The following CNTN5 variants were observed in gnomAD, a reference collection of about 807,000 sequenced individuals.
CNTN5 encodes the protein contactin-5.
Under a neutral mutation model 129.1 loss-of-function variants are expected in CNTN5, and 77 were observed. The observed-to-expected ratio is 0.60, with a 90% CI of 0.50 to 0.72. The LOEUF (loss-of-function observed/expected upper bound fraction) is 0.72, where lower values mean the gene tolerates loss of function less well. Ranked by LOEUF, CNTN5 falls within the 30% of genes least tolerant of loss-of-function variation. CNTN5 has a pLI of 0.00. For missense variants in CNTN5, 1,478 were observed against 1,328.8 expected, an observed-to-expected ratio of 1.11 and a Z score of -1.75; for synonymous variants, 509 against 465.6, an observed-to-expected ratio of 1.09 and a Z score of -1.20.
intron 1 of CNTN5, among the ~76,000 whole-genome samples, chr11:99,190,794 CTT>C (rs1400980977): frequency 6.6e-6 from 1 of 151,240 alleles, no homozygotes; most frequent in Admixed American, 6.6e-5. Flanking sequence ...TTGGTGGAGT[CTT>C]TAGGGATTTC....
intron 1 of CNTN5, among the ~76,000 whole-genome samples, chr11:99,248,822 G>A (rs376988922): frequency 8.5e-5 from 13 of 152,062 alleles, no homozygotes; most frequent in Admixed American, 7.2e-4. Context: ...CCATTGGTCT[G>A]TATCTCTGTT....
chr11:99,568,410 A>T (rs781658669), intron 3 of CNTN5, among the ~76,000 whole-genome samples: 1 of 152,250 alleles, frequency 6.6e-6, no homozygotes. Context: ...TTGTACCACT[A>T]TAATACTGCT....
chr11:99,637,371 C>G (rs981991974), intron 3 of CNTN5, among the ~76,000 whole-genome samples: 7 of 151,918 alleles, frequency 4.6e-5, no homozygotes, highest in Non-Finnish European at 7.4e-5. Flanking sequence ...AAAAAATTAG[C>G]GTTGTATATA....
chr11:99,363,029 A>G (rs1400596935), intron 2 of CNTN5, among the ~76,000 whole-genome samples: 1 of 151,666 alleles, frequency 6.6e-6, no homozygotes, highest in African/African-American at 2.4e-5. Flanking sequence ...GAATTTTTTG[A>G]TGTATTTTCC....
chr11:99,617,004 G>C (rs920659108), intron 3 of CNTN5, among the ~76,000 whole-genome samples: 7 of 152,152 alleles, frequency 4.6e-5, no homozygotes, highest in African/African-American at 1.7e-4. Context: ...CCAGCTACTC[G>C]GGAGGCTGAG....
chr11:99,619,655 A>G (rs1173180485), intron 3 of CNTN5, among the ~76,000 whole-genome samples: 2 of 152,160 alleles, frequency 1.3e-5, no homozygotes, highest in African/African-American at 4.8e-5. Context: ...GAGGCCTAGT[A>G]AATAAGTTGG....
At chr11:99,845,486 C>A (rs1304576367) in intron 6 of CNTN5, among the ~76,000 whole-genome samples, 2 of 146,982 alleles carry the variant, frequency 1.4e-5, no homozygotes, top group African/African-American at 2.5e-5. Context: ...CATTCTCCTG[C>A]CTCAGCCTCC....
At chr11:99,690,177 A>T (rs1953980223) in intron 3 of CNTN5, among the ~76,000 whole-genome samples, 1 of 152,112 alleles carries the variant, frequency 6.6e-6, no homozygotes. Context: ...ACTACTTATT[A>T]AGTAGGGAAT....
intron 9 of CNTN5, among the ~76,000 whole-genome samples, chr11:100,040,637 C>T (rs188646059): frequency 0.024 from 3,607 of 152,284 alleles, 66 homozygotes; most frequent in South Asian, 0.046. Context: ...GCTTCCTGGC[C>T]GCTTTGTTTA....
chr11:99,735,320 A>C (rs920538340), intron 3 of CNTN5, among the ~76,000 whole-genome samples: 4 of 152,190 alleles, frequency 2.6e-5, no homozygotes, highest in Non-Finnish European at 5.9e-5. Flanking sequence ...TAACTCCTCT[A>C]CTTTGATATT....
intron 9 of CNTN5, among the ~76,000 whole-genome samples, chr11:100,015,121 T>G (rs1940753954): frequency 6.6e-6 from 1 of 152,188 alleles, no homozygotes; most frequent in Admixed American, 6.6e-5. Flanking sequence ...TTTATCAATG[T>G]AATAGGTATA....
chr11:100,026,506 A>G lies in CNTN5; in HGVS notation c.980+24370A>G, dbSNP rs1301547908. 2.6e-5 allele frequency among the ~76,000 whole-genome samples: 4 copies of G among 152,196 alleles called. No individual in the cohort carries two copies. In the East Asian group the frequency reaches 5.8e-4, roughly 22 times the overall value. ...GTACTATTTTGCATTTTCACCAGCA[A>G]TGAATGAGAGTTCTTCTTGTTCTAT... On this transcript the variant is annotated intron_variant, in intron 9 of 24. Transcript: ENST00000524871.
intron 3 of CNTN5, among the ~76,000 whole-genome samples, chr11:99,707,415 A>C (rs566790311): frequency 6.6e-6 from 1 of 151,832 alleles, no homozygotes; most frequent in South Asian, 2.1e-4. Context: ...TATCTAAATT[A>C]ATTTTCCTTC....
chr11:99,249,245 A>T lies in CNTN5; in HGVS notation c.-209-76101A>T, dbSNP rs564291254. Among the ~76,000 whole-genome samples the T allele has an allele frequency of 7.2e-5, 11 of 152,118 alleles. No homozygotes were observed. In the East Asian group the frequency reaches 2.1e-3, roughly 29 times the overall value. On this transcript the variant is annotated intron_variant, in intron 1 of 24. Coordinates refer to ENST00000524871, the MANE Select transcript of CNTN5 (RefSeq NM_014361.4). ...TTGAAGCAATTGTGAATGGGAGTTC[A>T]CTCATGATTTGGCTCTCTGTTTGTC...
intron 2 of CNTN5, among the ~76,000 whole-genome samples, chr11:99,479,449 G>T (rs530941702): frequency 6.6e-6 from 1 of 151,860 alleles, no homozygotes; most frequent in Non-Finnish European, 1.5e-5. Flanking sequence ...ATATAGAGCA[G>T]GGCTTTAAAA....
chr11:100,290,489 A>C (rs1217012046), intron 18 of CNTN5, among the ~76,000 whole-genome samples: 41 of 146,438 alleles, frequency 2.8e-4, no homozygotes, highest in Non-Finnish European at 7.5e-5. Flanking sequence ...CAAACCTGAC[A>C]AAAACAAGCA....
At chr11:99,377,482 G>A (rs1200127346) in intron 2 of CNTN5, among the ~76,000 whole-genome samples, 2 of 151,746 alleles carry the variant, frequency 1.3e-5, no homozygotes, top group Non-Finnish European at 1.5e-5. Context: ...TCCTATAGTC[G>A]TTATTCTTAA....
chr11:99,699,147 TGTC>T (rs1428145021), intron 3 of CNTN5, among the ~76,000 whole-genome samples: 1 of 151,380 alleles, frequency 6.6e-6, no homozygotes, highest in East Asian at 1.9e-4. Flanking sequence ...TTCTTGTTCA[TGTC>T]GTGATGATTT....
At chr11:99,135,583 A>G (rs959714349) in intron 1 of CNTN5, among the ~76,000 whole-genome samples, 2 of 152,072 alleles carry the variant, frequency 1.3e-5, no homozygotes, top group African/African-American at 2.4e-5. Flanking sequence ...TCTAAGTGCA[A>G]TAGAAAGCCC....
Sources: gnomAD v4.1 joint callset for allele counts (sites outside exome capture counted in the v4.1 genomes callset) on GRCh38, gnomAD v4.1.1 for gene constraint, MANE v1.5 for transcripts, NCBI Gene and HGNC (gene_info 2026-07-23, HGNC 2026-07-21) for gene names.